Variants in MSH4 observed in about 807,000 individuals in gnomAD.
MSH4 encodes the protein mutS homolog 4.
Under a neutral mutation model 113.7 loss-of-function variants are expected in MSH4, and 106 were observed. That is an observed-to-expected ratio of 0.93 (90% CI 0.80 to 1.10). The LOEUF is 1.10. MSH4 is among the 50% of genes least tolerant of loss of function. MSH4 has a pLI of 0.00. For synonymous variants in MSH4, 368 were observed against 380.2 expected (o/e 0.97, Z 0.37); for missense variants, 1,061 against 1,093.7 (o/e 0.97, Z 0.42).
intron 9 of MSH4, among the ~76,000 whole-genome samples, chr1:75,870,643 G>A (rs1338261410): frequency 6.6e-6 from 1 of 152,154 alleles, no homozygotes; most frequent in African/African-American, 2.4e-5. Context: ...CTGCTGCCAT[G>A]TAAAACATGA....
chr1:75,887,676 A>G (rs761928625), intron 15 of MSH4, among the ~76,000 whole-genome samples: 5 of 152,154 alleles, frequency 3.3e-5, no homozygotes, highest in Admixed American at 6.5e-5. Flanking sequence ...GAGGCAGCAC[A>G]AGGATTCAAA....
chr1:75,836,749 C>T lies in MSH4; in HGVS notation c.1163-11460C>T, dbSNP rs528290209. 6.0e-3 allele frequency among the ~76,000 whole-genome samples: 919 copies of T among 152,262 alleles called. 5 individuals are homozygous for T. Among genetic ancestry groups the T allele is most frequent in the Non-Finnish European group, 8.6e-3 (586 of 68,010 alleles). On this transcript the variant is annotated intron_variant, in intron 7 of 19. Transcript: ENST00000263187. ...GATTACACAACCTCCTGATCTTCTT[C>T]CTCTGTCTTTGTGGTTTCCTTCTGA...
chr1:75,880,438 T>G lies in MSH4; in HGVS notation c.1781+285T>G, dbSNP rs376001345. On this transcript the variant is annotated intron_variant, in intron 13 of 19. Transcript: ENST00000263187. ...GCTTACCTGGGCTTCGTTCAGTTTA[T>G]TATTTTCCTATGGTCTGTAAGTCCT... Among the ~76,000 whole-genome samples the G allele has an allele frequency of 7.6e-4, 116 of 152,260 alleles. 1 individual carries two copies. In the South Asian group the frequency reaches 0.014, roughly 18 times the overall value.
chr1:75,819,018 G>A (rs570448708), intron 6 of MSH4, among the ~76,000 whole-genome samples: 2 of 152,042 alleles, frequency 1.3e-5, no homozygotes, highest in Admixed American at 6.6e-5. Context: ...CACCCGCCTC[G>A]GCCTCCTAAA....
At chr1:75,809,058 A>G (rs1650131008) in intron 3 of MSH4, among the ~76,000 whole-genome samples, 1 of 151,972 alleles carries the variant, frequency 6.6e-6, no homozygotes, top group African/African-American at 2.4e-5. Flanking sequence ...ACCACCACAT[A>G]GAGCTGATTT....
Position 75,883,490 on chromosome 1 carries a change from AG to A in MSH4, c.1907-130del, listed in dbSNP as rs1199308167. The A allele has an allele frequency of 1.9e-5, 13 of 693,828 alleles. No individual in the cohort carries two copies. In the Admixed American group the frequency reaches 3.9e-4, roughly 21 times the overall value. 43.0% of individuals were successfully genotyped at this position (693,828 alleles called of 1,614,324 possible). ...TTTGGGTGGGGATTTGGGATAATAT[AG>A]TACCTTAATGTTATTATTCCAAATT... On this transcript the variant is annotated intron_variant, in intron 14 of 19. Coordinates refer to ENST00000263187, the MANE Select transcript of MSH4 (RefSeq NM_002440.4).
intron 16 of MSH4, among the ~76,000 whole-genome samples, chr1:75,889,622 A>G (rs149719438): frequency 5.9e-5 from 9 of 152,282 alleles, no homozygotes; most frequent in Non-Finnish European, 8.8e-5. Context: ...AAATGTTTTT[A>G]TAGGAAATAC....
At chr1:75,876,786 A>G (rs935300305) in intron 9 of MSH4, 150 bp from the exon 10 acceptor site, 12 of 383,748 alleles carry the variant, frequency 3.1e-5, no homozygotes, top group East Asian at 1.7e-4. Context: ...ATCCTCAGCT[A>G]GATAGCTACA....
At chr1:75,842,587 G>A (rs2100541661) in intron 7 of MSH4, among the ~76,000 whole-genome samples, 3 of 152,218 alleles carry the variant, frequency 2.0e-5, no homozygotes, top group Admixed American at 2.0e-4. Context: ...TCATACCCTA[G>A]GAAAAACCAG....
At chr1:75,876,902 T>G (rs765988684) in intron 9 of MSH4, 34 bp from the exon 10 acceptor site, 18 of 1,234,546 alleles carry the variant, frequency 1.5e-5, no homozygotes, top group Non-Finnish European at 1.9e-5. Context: ...TTGTAATTGA[T>G]TATCCTTAAC....
At chr1:75,817,184 C>A (rs1650311136) in intron 6 of MSH4, among the ~76,000 whole-genome samples, 1 of 152,022 alleles carries the variant, frequency 6.6e-6, no homozygotes, top group South Asian at 2.1e-4. Context: ...GATATTTGTA[C>A]TAAATAACAA....
chr1:75,884,839 G>T (rs1652026758), intron 15 of MSH4, among the ~76,000 whole-genome samples: 1 of 151,512 alleles, frequency 6.6e-6, no homozygotes, highest in Admixed American at 6.6e-5. Context: ...TGATTTTGTA[G>T]GTTTATTGGA....
At chr1:75,857,567 G>A (rs554527441) in intron 8 of MSH4, among the ~76,000 whole-genome samples, 24 of 152,174 alleles carry the variant, frequency 1.6e-4, no homozygotes, top group African/African-American at 5.5e-4. Context: ...TTGCTTGTAT[G>A]TCTCAGGTTT....
intron 8 of MSH4, among the ~76,000 whole-genome samples, chr1:75,853,084 A>T (rs908546658): frequency 1.3e-5 from 2 of 150,632 alleles, no homozygotes; most frequent in African/African-American, 5.0e-5. Flanking sequence ...TGTTTGTTTG[A>T]GACAGAGTTT....
chr1:75,796,938 G>T lies in MSH4; in HGVS notation c.-48G>T. 2 of 1,607,360 alleles carry T rather than the reference G, an allele frequency of 1.2e-6. No individual in the cohort carries two copies. The highest frequency in any genetic ancestry group is 1.1e-5 in the South Asian group (1 of 90,632). ...GCTTCTGTAGTTGGGCTACTGGAGGGGTCGCTCAGAAACCTCATACTTCTC... is the reference window on the plus strand; with the variant it reads ...GCTTCTGTAGTTGGGCTACTGGAGGTGTCGCTCAGAAACCTCATACTTCTC... On this transcript the variant is annotated 5_prime_UTR_variant, in exon 1 of 20. Transcript: ENST00000263187.
intron 7 of MSH4, among the ~76,000 whole-genome samples, chr1:75,842,041 G>T (rs1390775092): frequency 6.6e-6 from 1 of 152,120 alleles, no homozygotes; most frequent in Admixed American, 6.6e-5. Context: ...GTACAGCTTG[G>T]TTTTGTATAT....
chr1:75,841,863 A>C (rs1270199385), intron 7 of MSH4, among the ~76,000 whole-genome samples: 1 of 152,204 alleles, frequency 6.6e-6, no homozygotes, highest in African/African-American at 2.4e-5. Context: ...ATAATGAAGA[A>C]TATAACCGCA....
intron 3 of MSH4, among the ~76,000 whole-genome samples, chr1:75,809,237 A>G (rs1160725500): frequency 6.6e-6 from 1 of 152,030 alleles, no homozygotes; most frequent in Non-Finnish European, 1.5e-5. Context: ...TATTTTGAAG[A>G]TGTGATCTAG....
chr1:75,841,059 G>A (rs1570961443), intron 7 of MSH4, among the ~76,000 whole-genome samples: 1 of 152,250 alleles, frequency 6.6e-6, no homozygotes, highest in East Asian at 1.9e-4. Context: ...AAGGTATGTT[G>A]ATGTCCATAG....
Sources: allele counts gnomAD v4.1 joint callset (sites outside exome capture counted in the v4.1 genomes callset), GRCh38; gene constraint gnomAD v4.1.1; transcripts MANE v1.5; gene names NCBI Gene and HGNC (gene_info 2026-07-23, HGNC 2026-07-21).